Variants in SCN4B observed in about 807,000 individuals in gnomAD.
The protein encoded by SCN4B is sodium voltage-gated channel beta subunit 4, also known as sodium channel regulatory subunit beta-4.
A neutral mutation model predicts 19.6 loss-of-function variants in SCN4B; 20 were observed. That is an observed-to-expected ratio of 1.02 (90% CI 0.72 to 1.48). The LOEUF (loss-of-function observed/expected upper bound fraction) is 1.48. Among genes scored for constraint, SCN4B ranks in the 40% most tolerant of loss-of-function variants. SCN4B has a pLI of 0.00. For synonymous variants in SCN4B, 127 were observed against 122.8 expected (o/e 1.03, Z -0.22); for missense variants, 271 against 287.5 (o/e 0.94, Z 0.42).
Position 118,141,420 on chromosome 11 carries a change from G to T in SCN4B, c.464-84C>A. 3.9e-6 allele frequency: 6 copies of T among 1,550,304 alleles called. No homozygotes were observed. In the Admixed American group the frequency reaches 1.0e-4, roughly 26 times the overall value. On this transcript the variant is annotated intron_variant, in intron 3 of 4. Coordinates refer to ENST00000324727, the MANE Select transcript of SCN4B (RefSeq NM_174934.4). ...AGCCGAGAACTGTGGCAGTGCAAGG[G>T]CCATGTAGCCTCCACCCCCTGGCAT...
At chr11:118,149,313 T>G (rs1472174278) in intron 1 of SCN4B, among the ~76,000 whole-genome samples, 1 of 152,072 alleles carries the variant, frequency 6.6e-6, no homozygotes, top group African/African-American at 2.4e-5. Flanking sequence ...CCACTCTAAA[T>G]ATAGCTCTGA....
intron 2 of SCN4B, 124 bp downstream of exon 2, chr11:118,144,933 G>A: frequency 1.1e-6 from 1 of 906,802 alleles, no homozygotes; most frequent in South Asian, 1.3e-5. Flanking sequence ...CTGGGAGAAA[G>A]GGTGGCAAAA....
At chr11:118,146,746 T>G (rs1948182004) in intron 1 of SCN4B, among the ~76,000 whole-genome samples, 1 of 152,232 alleles carries the variant, frequency 6.6e-6, no homozygotes. Context: ...TGATATTAAC[T>G]GAGCATCTAC....
chr11:118,136,994 G>T lies in SCN4B; in HGVS notation c.*33C>A, dbSNP rs1316719977. ...GCATCAGTTTCATCATCAGAAAGGG[G>T]GCTCCCTGCAGCTGCTCAGCCCGAA... On this transcript the variant is annotated 3_prime_UTR_variant, in exon 5 of 5. Coordinates refer to ENST00000324727, the MANE Select transcript of SCN4B (RefSeq NM_174934.4). 1 of 1,449,212 alleles carries T rather than the reference G, an allele frequency of 6.9e-7. No individual in the cohort carries two copies. Among genetic ancestry groups the T allele is most frequent in the Non-Finnish European group, 9.7e-7 (1 of 1,030,314 alleles). The allele number at this position is 1,449,212 out of a possible 1,614,324, so 89.8% of individuals were successfully genotyped here.
chr11:118,144,481 C>T (rs913431167), intron 2 of SCN4B, among the ~76,000 whole-genome samples: 1 of 152,120 alleles, frequency 6.6e-6, no homozygotes, highest in African/African-American at 2.4e-5. Context: ...CAGCTCTGCC[C>T]GTCAGCACCC....
intron 1 of SCN4B, among the ~76,000 whole-genome samples, chr11:118,147,258 T>C (rs1948188945): frequency 6.6e-6 from 1 of 152,196 alleles, no homozygotes; most frequent in East Asian, 1.9e-4. Context: ...GAGAGTTGAC[T>C]TGCCCAGGGC....
At position 118,134,557 on chromosome 11, in the gene SCN4B, C is replaced by T. The variant is rs1351368510; in HGVS notation, c.*2470G>A. The T allele has an allele frequency of 4.4e-6, 2 of 453,952 alleles. No homozygotes were observed. The highest frequency in any genetic ancestry group is 1.6e-5 in the South Asian group (1 of 64,478). 28.1% of individuals were successfully genotyped at this position (453,952 alleles called of 1,614,324 possible). ...CATGGGGGCAACCAAAAATGCCCCC[C>T]CTACAATCTCAGTCACCTCTATTGA... On this transcript the variant is annotated 3_prime_UTR_variant, in exon 5 of 5. Transcript: ENST00000324727.
chr11:118,144,795 A>G (rs1229276129), intron 2 of SCN4B, among the ~76,000 whole-genome samples: 1 of 152,144 alleles, frequency 6.6e-6, no homozygotes, highest in African/African-American at 2.4e-5. Flanking sequence ...AAGCAATCCA[A>G]GCTCCGGGTG....
chr11:118,147,305 C>G (rs776724956), intron 1 of SCN4B, among the ~76,000 whole-genome samples: 2 of 152,206 alleles, frequency 1.3e-5, no homozygotes, highest in Non-Finnish European at 2.9e-5. Flanking sequence ...TGAGCAGTTA[C>G]TATAGGATAG....
At chr11:118,147,680 A>T (rs1373691632) in intron 1 of SCN4B, among the ~76,000 whole-genome samples, 6 of 152,138 alleles carry the variant, frequency 3.9e-5, no homozygotes, top group Non-Finnish European at 5.9e-5. Context: ...GGAGATACCA[A>T]CTCTGCTTCC....
chr11:118,134,484 T>C lies in SCN4B; in HGVS notation c.*2543A>G, dbSNP rs1219896518. The C allele has an allele frequency of 2.2e-6, 1 of 454,110 alleles. No homozygotes were observed. The highest frequency in any genetic ancestry group is 4.4e-6 in the Non-Finnish European group (1 of 226,788). The allele number at this position is 454,110 out of a possible 1,614,324, so 28.1% of individuals were successfully genotyped here. On this transcript the variant is annotated 3_prime_UTR_variant, in exon 5 of 5. Transcript: ENST00000324727. ...ATAATGTTGACATGGGACAGGATGATTCTTTGTTGTGGGGACTAAGTTTAG... is the reference window on the plus strand; with the variant it reads ...ATAATGTTGACATGGGACAGGATGACTCTTTGTTGTGGGGACTAAGTTTAG...
In SCN4B at chr11:118,145,045, C is replaced by T. The variant is rs750811942; in HGVS notation, c.234+12G>A. On this transcript the variant is annotated intron_variant, in intron 2 of 4. Transcript: ENST00000324727. ...GAGGCTGGGCTGTACTGTTCTTCCT[C>T]CAAATACTTACAATCTTGAATGCGT... 1.2e-6 allele frequency: 2 copies of T among 1,613,722 alleles called. No individual in the cohort carries two copies. Among genetic ancestry groups the T allele is most frequent in the Non-Finnish European group, 1.7e-6 (2 of 1,179,806 alleles).
At chr11:118,143,554 G>C (rs1440061172) in intron 3 of SCN4B, among the ~76,000 whole-genome samples, 2 of 152,110 alleles carry the variant, frequency 1.3e-5, no homozygotes, top group Non-Finnish European at 2.9e-5. Flanking sequence ...ACACTACCAG[G>C]TAGCTTCTCT....
At position 118,145,158 on chromosome 11, in the gene SCN4B, T is replaced by A. The variant is rs956132632; in HGVS notation, c.133A>T (p.Asn45Tyr). 2.5e-6 allele frequency: 4 copies of A among 1,614,076 alleles called. No homozygotes were observed. In the South Asian group the frequency reaches 4.4e-5, roughly 18 times the overall value. The change falls in exon 2 of 5, where the codon AAT becomes TAT. Residue 45 changes from asparagine to tyrosine, a missense_variant. Asn to Tyr is a moderately radical substitution (Grantham distance 143). Transcript: ENST00000324727. ...VGKATDIYAV[N>Y]GTEILLPCTF... ...CAGGGCAGCAGGATCTCCGTGCCAT[T>A]GACAGCGTAGATGTCGGTGGCCTTT...
intron 1 of SCN4B, among the ~76,000 whole-genome samples, 187 bp downstream of exon 1, chr11:118,152,426 C>G (rs972434477): frequency 5.9e-5 from 9 of 152,184 alleles, no homozygotes; most frequent in Non-Finnish European, 1.2e-4. Context: ...TAGAGAGGGA[C>G]GCACACGGTC....
At chr11:118,137,245 T>C in intron 4 of SCN4B, 125 bp from the exon 5 acceptor site, 1 of 731,390 alleles carries the variant, frequency 1.4e-6, no homozygotes, top group Non-Finnish European at 2.5e-6. Context: ...AGAGCTAAGG[T>C]AGCCAGAGGC....
Position 118,148,618 on chromosome 11 carries a change from G to GT in SCN4B, c.62-3390dup, listed in dbSNP as rs1948206449. ...ATTATAAAACACAAGAGGGGCCGCC[G>GT]TGAGTGGGCACCCTGCAGGTAGAGG... On this transcript the variant is annotated intron_variant, in intron 1 of 4. Transcript: ENST00000324727. This position sits in a 1 kb window ranked among gnomAD's most constrained non-coding sequence, Gnocchi z 4.0. 6.6e-6 allele frequency among the ~76,000 whole-genome samples: 1 copy of GT among 152,224 alleles called. No individual in the cohort carries two copies. Among genetic ancestry groups the GT allele is most frequent in the Non-Finnish European group, 1.5e-5 (1 of 68,038 alleles).
intron 4 of SCN4B, among the ~76,000 whole-genome samples, chr11:118,139,014 C>T (rs1948062070): frequency 6.6e-6 from 1 of 152,144 alleles, no homozygotes; most frequent in South Asian, 2.1e-4. Context: ...CACCCAATCC[C>T]TCCGCCCACC....
chr11:118,149,241 A>G (rs1247367880), intron 1 of SCN4B, among the ~76,000 whole-genome samples: 2 of 152,198 alleles, frequency 1.3e-5, no homozygotes, highest in East Asian at 3.8e-4. Flanking sequence ...ACCTTTTCCC[A>G]CATCCAGGGA....
Sources: gnomAD v4.1 joint callset for allele counts (sites outside exome capture counted in the v4.1 genomes callset) on GRCh38, gnomAD v4.1.1 for gene constraint, Gnocchi (gnomAD v3.1) non-coding constraint, MANE v1.5 for transcripts, NCBI Gene and HGNC (gene_info 2026-07-23, HGNC 2026-07-21) for gene names.